The following DENND4C variants were observed in gnomAD, a reference collection of about 807,000 sequenced individuals.
DENND4C encodes the protein DENN domain containing 4C, also known as DENN domain-containing protein 4C.
Under a neutral mutation model 203.0 loss-of-function variants are expected in DENND4C, and 108 were observed. The observed-to-expected ratio is 0.53, with a 90% CI of 0.46 to 0.62. The LOEUF (loss-of-function observed/expected upper bound fraction) is 0.62. Among genes scored for constraint, DENND4C ranks in the 20% least tolerant of loss-of-function variants. DENND4C has a pLI of 0.00. For synonymous variants in DENND4C, 871 were observed against 792.4 expected (o/e 1.10, Z -1.67); for missense variants, 2,481 against 2,301.2 (o/e 1.08, Z -1.60).
chr9:19,254,641 T>G (rs1479131198), intron 1 of DENND4C, among the ~76,000 whole-genome samples: 1 of 152,130 alleles, frequency 6.6e-6, no homozygotes, highest in African/African-American at 2.4e-5. Flanking sequence ...CTATAGTTGA[T>G]TATACTGTAT....
intron 1 of DENND4C, among the ~76,000 whole-genome samples, chr9:19,262,197 C>T (rs1299768805): frequency 2.1e-5 from 3 of 145,500 alleles, no homozygotes; most frequent in Non-Finnish European, 3.0e-5. Flanking sequence ...GGGGATTCTT[C>T]GACCTCAGCC....
At chr9:19,255,734 T>C (rs895215853) in intron 1 of DENND4C, among the ~76,000 whole-genome samples, 2 of 152,190 alleles carry the variant, frequency 1.3e-5, no homozygotes, top group African/African-American at 4.8e-5. Context: ...CAAAAACTGA[T>C]AGACTGAAAG....
intron 2 of DENND4C, among the ~76,000 whole-genome samples, chr9:19,282,851 C>T (rs1434592543): frequency 6.1e-5 from 9 of 148,118 alleles, no homozygotes; most frequent in Admixed American, 1.4e-4. Context: ...GGAGTAGCTG[C>T]GATTACAGGC....
chr9:19,354,470 C>G (rs1427138170), intron 26 of DENND4C, among the ~76,000 whole-genome samples: 1 of 150,948 alleles, frequency 6.6e-6, no homozygotes, highest in African/African-American at 2.4e-5. Flanking sequence ...GGTATTATCA[C>G]TTTTTAAATT....
chr9:19,336,392 G>C lies in DENND4C; in HGVS notation c.2712G>C (p.Arg904Ser). The C allele has an allele frequency of 1.2e-6, 2 of 1,613,756 alleles. No individual in the cohort carries two copies. Among genetic ancestry groups the C allele is most frequent in the Non-Finnish European group, 1.7e-6 (2 of 1,179,886 alleles). Residue 904 changes from arginine to serine, a missense_variant, in exon 19 of 33, where the codon AGG becomes AGC. Transcript: ENST00000434457. Reference sequence around the variant, plus strand: ...AGCCGCTTAAAAAGACTGTGCAAAGGTCACAGGTCTCCTCAATATCAGGTA... The same window carrying C: ...AGCCGCTTAAAAAGACTGTGCAAAGCTCACAGGTCTCCTCAATATCAGGTA... ...FRQPLKKTVQ[R>S]SQVSSISALQ... is the part of the protein sequence containing the mutation.
At position 19,351,805 on chromosome 9, in the gene DENND4C, T is replaced by TAA. The variant is rs1343290615; in HGVS notation, c.4496-255_4496-254dup. On this transcript the variant is annotated intron_variant, in intron 24 of 32. Transcript: ENST00000434457. ...CTGGGCAACAGAGCGAGACTCCATC[T>TAA]AAAAAAAAAAAAAAGAAAAGAAAAA... 3.3e-4 allele frequency among the ~76,000 whole-genome samples: 42 copies of TAA among 127,650 alleles called. 2 individuals carry two copies. The highest frequency in any genetic ancestry group is 7.3e-4 in the Admixed American group (9 of 12,386). The allele number at this position is 127,650 out of a possible 152,430, so 83.7% of individuals were successfully genotyped here.
At chr9:19,262,368 G>T (rs1401266550) in intron 1 of DENND4C, among the ~76,000 whole-genome samples, 1 of 151,790 alleles carries the variant, frequency 6.6e-6, no homozygotes, top group Non-Finnish European at 1.5e-5. Context: ...GATTAGAGGC[G>T]TGAGCCTCTG....
chr9:19,310,335 T>C (rs185055772), intron 10 of DENND4C, among the ~76,000 whole-genome samples: 12 of 152,350 alleles, frequency 7.9e-5, no homozygotes, highest in African/African-American at 2.9e-4. Context: ...AAGGGGATAC[T>C]TTGAGCAGTT....
intron 23 of DENND4C, among the ~76,000 whole-genome samples, chr9:19,349,319 G>A (rs1038574195): frequency 6.6e-6 from 1 of 152,010 alleles, no homozygotes; most frequent in Non-Finnish European, 1.5e-5. Flanking sequence ...GAGGTGGGAG[G>A]ATAGCTTGAG....
intron 31 of DENND4C, among the ~76,000 whole-genome samples, chr9:19,370,915 G>A (rs909824291): frequency 6.6e-6 from 1 of 152,184 alleles, no homozygotes; most frequent in African/African-American, 2.4e-5. Flanking sequence ...AAGTGACAGG[G>A]CAAGAATTGA....
chr9:19,276,251 A>G lies in DENND4C; in HGVS notation c.77A>G (p.Asp26Gly), dbSNP rs1457576814. The G allele has an allele frequency of 8.9e-6, 11 of 1,231,966 alleles. No homozygotes were observed. Among genetic ancestry groups the G allele is most frequent in the African/African-American group, 1.6e-5 (1 of 64,412 alleles). 76.3% of individuals were successfully genotyped at this position (1,231,966 alleles called of 1,614,324 possible). A position where few individuals can be genotyped will look rare whatever the true frequency, so the allele number is the denominator to read the frequency against. The change falls in exon 2 of 33, where the codon GAT (aspartate) becomes GGT (glycine). Residue 26 changes from aspartate to glycine, a missense_variant. By Grantham distance (94) the Asp-to-Gly change is moderately conservative (BLOSUM62 -1). Coordinates refer to ENST00000434457, the MANE Select transcript of DENND4C (RefSeq NM_001330640.2). ...CTCACTGACACATCTACTCTTTTGG[A>G]TCAAGAAATAAATCGTTTAGATACT... ...AGLTDTSTLLDQEINRLDTKS... is the reference protein window; with the variant it reads ...AGLTDTSTLLGQEINRLDTKS...
intron 6 of DENND4C, among the ~76,000 whole-genome samples, chr9:19,296,548 T>G (rs151129101): frequency 0.01 from 1,543 of 151,970 alleles, 12 homozygotes; most frequent in South Asian, 0.014. Context: ...AGAGACAAGG[T>G]TTCACCATCT....
intron 23 of DENND4C, among the ~76,000 whole-genome samples, chr9:19,349,892 T>C (rs753049447): frequency 3.3e-5 from 5 of 152,222 alleles, no homozygotes; most frequent in Non-Finnish European, 7.3e-5. Context: ...TATGATTTTA[T>C]ATGTATGTTT....
chr9:19,331,880 C>T (rs897404322), intron 16 of DENND4C, 98 bp from the exon 17 acceptor site: 1 of 1,156,750 alleles, frequency 8.6e-7, no homozygotes, highest in African/African-American at 1.5e-5. Context: ...TTTAGGGGGT[C>T]AAGTTTTACT....
intron 1 of DENND4C, among the ~76,000 whole-genome samples, chr9:19,238,369 A>C (rs553652035): frequency 1.2e-4 from 18 of 151,624 alleles, no homozygotes; most frequent in Non-Finnish European, 2.9e-5. Flanking sequence ...GATGTGAGCC[A>C]CTGCGCCCAG....
intron 1 of DENND4C, among the ~76,000 whole-genome samples, chr9:19,241,508 G>A (rs200194856): frequency 6.8e-6 from 1 of 147,352 alleles, no homozygotes; most frequent in African/African-American, 2.5e-5. Context: ...TTTTTTTTTC[G>A]TTTTTCTTTT....
chr9:19,322,791 C>T (rs1843108839), intron 12 of DENND4C, among the ~76,000 whole-genome samples: 2 of 151,004 alleles, frequency 1.3e-5, no homozygotes, highest in African/African-American at 2.4e-5. Context: ...TGAGCCTTCC[C>T]TCTCTGCTCC....
At chr9:19,265,654 C>G (rs1319370287) in intron 1 of DENND4C, among the ~76,000 whole-genome samples, 1 of 152,032 alleles carries the variant, frequency 6.6e-6, no homozygotes, top group Non-Finnish European at 1.5e-5. Context: ...CACCCTGTGT[C>G]CAAGTGTTCT....
intron 16 of DENND4C, among the ~76,000 whole-genome samples, chr9:19,331,358 A>G (rs900689587): frequency 6.6e-6 from 1 of 151,974 alleles, no homozygotes; most frequent in Admixed American, 6.6e-5. Context: ...ACATGCCACC[A>G]TGCGCGGCTA....
Sources: allele counts gnomAD v4.1 joint callset (sites outside exome capture counted in the v4.1 genomes callset), GRCh38; gene constraint gnomAD v4.1.1; transcripts MANE v1.5; gene names NCBI Gene and HGNC (gene_info 2026-07-23, HGNC 2026-07-21).